WWOX: variants seen among roughly 807,000 people sequenced by gnomAD.
WWOX encodes WW domain containing oxidoreductase, also known as WW domain-containing oxidoreductase.
Under a neutral mutation model 46.2 loss-of-function variants are expected in WWOX, and 69 were observed. The observed-to-expected ratio is 1.49, with a 90% CI of 1.23 to 1.82. The LOEUF (loss-of-function observed/expected upper bound fraction) is 1.82. WWOX is among the 40% of genes most tolerant of loss of function. WWOX has a pLI of 0.00. For missense variants in WWOX, 919 were observed against 542.6 expected, an observed-to-expected ratio of 1.69 and a Z score of -6.89; for synonymous variants, 359 against 202.6, an observed-to-expected ratio of 1.77 and a Z score of -6.56.
intron 8 of WWOX, among the ~76,000 whole-genome samples, chr16:78,883,539 C>T (rs917458396): frequency 6.6e-6 from 1 of 152,072 alleles, no homozygotes; most frequent in African/African-American, 2.4e-5. Flanking sequence ...GCCTGGCGAA[C>T]ATGGCAAAAC....
intron 8 of WWOX, among the ~76,000 whole-genome samples, chr16:78,626,439 G>A (rs975819835): frequency 1.4e-4 from 22 of 152,304 alleles, no homozygotes; most frequent in African/African-American, 5.3e-4. Context: ...ATGCTCCTGT[G>A]TTGGGATTTT....
intron 6 of WWOX, among the ~76,000 whole-genome samples, chr16:78,388,955 G>A (rs189066030): frequency 4.3e-4 from 61 of 142,242 alleles, no homozygotes; most frequent in African/African-American, 1.4e-3. Flanking sequence ...GGTGACAAGA[G>A]CAAAACTCTG....
intron 8 of WWOX, among the ~76,000 whole-genome samples, chr16:78,635,438 G>T (rs1023262365): frequency 1.3e-5 from 2 of 152,148 alleles, no homozygotes; most frequent in Non-Finnish European, 2.9e-5. Flanking sequence ...CCTTGACTGG[G>T]CAAGAAGGGA....
chr16:78,108,087 C>G (rs1165158017), intron 1 of WWOX, among the ~76,000 whole-genome samples: 3 of 151,650 alleles, frequency 2.0e-5, no homozygotes, highest in Non-Finnish European at 4.4e-5. Context: ...TGCCACTGTC[C>G]CCAGCTAATT....
chr16:78,736,846 C>G (rs903513494), intron 8 of WWOX, among the ~76,000 whole-genome samples: 2 of 152,112 alleles, frequency 1.3e-5, no homozygotes, highest in Admixed American at 6.5e-5. Context: ...TGGGCTCATA[C>G]AATTCCCCTG....
chr16:79,134,853 G>T (rs893761020), intron 8 of WWOX, among the ~76,000 whole-genome samples: 2 of 152,164 alleles, frequency 1.3e-5, no homozygotes, highest in Admixed American at 1.3e-4. Flanking sequence ...ACCAGGGGTG[G>T]CTTGGAAAGG....
intron 5 of WWOX, among the ~76,000 whole-genome samples, chr16:78,310,409 C>G (rs2080217771): frequency 6.6e-6 from 1 of 152,214 alleles, no homozygotes; most frequent in Non-Finnish European, 1.5e-5. Flanking sequence ...GAATAACAAA[C>G]ACATGCTGAT....
chr16:79,038,676 A>C (rs1008448374), intron 8 of WWOX, among the ~76,000 whole-genome samples: 17 of 152,024 alleles, frequency 1.1e-4, no homozygotes, highest in African/African-American at 3.9e-4. Flanking sequence ...CAGGCTCCCA[A>C]GTAGCTGGGA....
At chr16:78,469,466 G>A (rs2084169261) in intron 8 of WWOX, among the ~76,000 whole-genome samples, 1 of 152,174 alleles carries the variant, frequency 6.6e-6, no homozygotes. Context: ...AAACAGAGAT[G>A]ACAGGCTCCG....
intron 8 of WWOX, among the ~76,000 whole-genome samples, chr16:79,042,522 ATTAC>A (rs978019896): frequency 2.0e-5 from 3 of 151,690 alleles, no homozygotes; most frequent in Non-Finnish European, 4.4e-5. Context: ...AATGTCTCAA[ATTAC>A]TTACTCAATA....
intron 8 of WWOX, among the ~76,000 whole-genome samples, chr16:79,084,493 TCACTGCAAC>T (rs1270511913): frequency 6.6e-6 from 1 of 152,164 alleles, no homozygotes; most frequent in Non-Finnish European, 1.5e-5. Flanking sequence ...CAGTCTCGGC[TCACTGCAAC>T]CTCTGCAACC....
chr16:78,802,915 G>GGAA (rs2050927892), intron 8 of WWOX, among the ~76,000 whole-genome samples: 1 of 10,442 alleles, frequency 9.6e-5, no homozygotes, highest in Non-Finnish European at 1.9e-4. Flanking sequence ...GACTTCATCT[G>GGAA]AAAAAAAAAA....
chr16:78,231,390 GACTA>G (rs1397196646), intron 5 of WWOX, among the ~76,000 whole-genome samples: 1 of 152,124 alleles, frequency 6.6e-6, no homozygotes, highest in African/African-American at 2.4e-5. Context: ...TTGCAGCTGT[GACTA>G]ACAATAAAAC....
intron 6 of WWOX, among the ~76,000 whole-genome samples, chr16:78,406,152 T>C (rs1469779869): frequency 6.6e-6 from 1 of 151,592 alleles, no homozygotes; most frequent in Non-Finnish European, 1.5e-5. Context: ...AAGCCAACTA[T>C]ATCGTCATTT....
intron 5 of WWOX, among the ~76,000 whole-genome samples, chr16:78,370,661 C>T (rs935062300): frequency 1.3e-5 from 2 of 151,902 alleles, no homozygotes; most frequent in Non-Finnish European, 2.9e-5. Context: ...CTGGGAGAAA[C>T]ATCTAAGTTT....
chr16:78,737,973 C>T (rs1351612567), intron 8 of WWOX, among the ~76,000 whole-genome samples: 2 of 152,288 alleles, frequency 1.3e-5, no homozygotes, highest in African/African-American at 2.4e-5. Flanking sequence ...AAGGCACCAA[C>T]ATGAGTCCAT....
At chr16:79,192,730 T>C (rs2051161389) in intron 8 of WWOX, among the ~76,000 whole-genome samples, 1 of 152,186 alleles carries the variant, frequency 6.6e-6, no homozygotes, top group African/African-American at 2.4e-5. Flanking sequence ...CTTTGCTTAT[T>C]CTCAGCACAA....
intron 8 of WWOX, among the ~76,000 whole-genome samples, chr16:78,598,210 C>G (rs1015922691): frequency 1.3e-5 from 2 of 152,302 alleles, no homozygotes; most frequent in African/African-American, 4.8e-5. Flanking sequence ...ATGACCACTT[C>G]TGGCCCAGAA....
intron 8 of WWOX, among the ~76,000 whole-genome samples, chr16:79,134,795 A>C (rs183882207): frequency 1.3e-5 from 2 of 152,324 alleles, no homozygotes; most frequent in East Asian, 3.9e-4. Context: ...GGATGGCTCC[A>C]GTTGCCTGTT....
Sources: allele counts gnomAD v4.1 joint callset (sites outside exome capture counted in the v4.1 genomes callset), GRCh38; gene constraint gnomAD v4.1.1; transcripts MANE v1.5; gene names NCBI Gene and HGNC (gene_info 2026-07-23, HGNC 2026-07-21).